Variants in SLC9B1 observed in about 807,000 individuals in gnomAD.
SLC9B1 encodes solute carrier family 9 member B1, also known as sodium/hydrogen exchanger 9B1.
Under a neutral mutation model 51.7 loss-of-function variants are expected in SLC9B1, and 32 were observed. The observed-to-expected ratio is 0.62, with a 90% CI of 0.47 to 0.83. SLC9B1 has a LOEUF of 0.83. SLC9B1 is among the 40% of genes least tolerant of loss of function. The pLI, the probability that SLC9B1 is intolerant of heterozygous loss-of-function variation, is 0.00. For synonymous variants in SLC9B1, 145 were observed against 212.7 expected, an observed-to-expected ratio of 0.68 and a Z score of 2.77; for missense variants, 406 against 613.2, an observed-to-expected ratio of 0.66 and a Z score of 3.57.
At position 103,006,067 on chromosome 4, in the gene SLC9B1, G is replaced by C. The variant is rs577006994; in HGVS notation, c.-2+13532C>G. On this transcript the variant is annotated intron_variant, in intron 1 of 11. Transcript: ENST00000296422. ...AAAACAAGAGCAAACCAACCCCAAG[G>C]TTAGCAGAAGAAAAGAAATAACCAA... Among the ~76,000 whole-genome samples the C allele has an allele frequency of 4.6e-5, 7 of 152,016 alleles. No individual in the cohort carries two copies. In the South Asian group the frequency reaches 1.5e-3, roughly 32 times the overall value.
downstream of SLC9B1, chr4:102,898,114 A>G (rs1734621308): frequency 1.0e-5 from 5 of 499,610 alleles, no homozygotes; most frequent in South Asian, 7.3e-5. Context: ...GAACTTCTTC[A>G]TATGCTTGAA....
chr4:103,010,935 AC>A (rs1311116283), intron 1 of SLC9B1, among the ~76,000 whole-genome samples: 1 of 152,172 alleles, frequency 6.6e-6, no homozygotes, highest in African/African-American at 2.4e-5. Context: ...TGTCTTTCTC[AC>A]ATATAAAACA....
chr4:102,962,438 C>A, intron 3 of SLC9B1: 2 of 523,676 alleles, frequency 3.8e-6, no homozygotes, highest in South Asian at 1.5e-5. Context: ...CCACTGAATA[C>A]ACTAGAAAAT....
chr4:102,917,688 C>A (rs1735651604), intron 7 of SLC9B1, among the ~76,000 whole-genome samples: 1 of 152,004 alleles, frequency 6.6e-6, no homozygotes, highest in Non-Finnish European at 1.5e-5. Flanking sequence ...GAAGAAAGAT[C>A]TAAAATAAGC....
intron 1 of SLC9B1, among the ~76,000 whole-genome samples, chr4:103,008,259 G>A (rs986631567): frequency 6.6e-6 from 1 of 152,116 alleles, no homozygotes; most frequent in South Asian, 2.1e-4. Context: ...CTGTTATATT[G>A]CTAGGCTTTG....
At chr4:102,885,083 A>G (rs1352913127) in exon 12 of SLC9B1, 6 of 740,270 alleles carry the variant, frequency 8.1e-6, no homozygotes. Flanking sequence ...TTATTTATTC[A>G]CAGTTTTATG....
At chr4:102,985,712 A>T (rs1739583623) in intron 3 of SLC9B1, among the ~76,000 whole-genome samples, 1 of 151,910 alleles carries the variant, frequency 6.6e-6, no homozygotes, top group South Asian at 2.1e-4. Context: ...TTTAGTAGAG[A>T]CAGGGCTTCA....
At chr4:102,894,667 A>C (rs1055901929) in intron 11 of SLC9B1, among the ~76,000 whole-genome samples, 1 of 152,206 alleles carries the variant, frequency 6.6e-6, no homozygotes, top group African/African-American at 2.4e-5. Flanking sequence ...TGAATAAGAA[A>C]CACATGAGGC....
chr4:102,991,843 A>G (rs1739954094), intron 1 of SLC9B1, 131 bp from the exon 2 acceptor site: 1 of 573,230 alleles, frequency 1.7e-6, no homozygotes. Context: ...GTCAAGTCAG[A>G]TATCTTTATA....
intron 8 of SLC9B1, among the ~76,000 whole-genome samples, chr4:102,911,187 G>T (rs1226668555): frequency 1.3e-5 from 2 of 152,078 alleles, no homozygotes; most frequent in African/African-American, 4.8e-5. Context: ...AATTCAGAGG[G>T]ATACTCTGCA....
intron 3 of SLC9B1, among the ~76,000 whole-genome samples, chr4:102,968,791 G>A (rs920575141): frequency 9.8e-5 from 15 of 152,334 alleles, no homozygotes; most frequent in East Asian, 3.9e-4. Flanking sequence ...AAGGGAAGCC[G>A]TGACAGACGG....
At chr4:102,928,128 T>C (rs1736280724) in intron 7 of SLC9B1, among the ~76,000 whole-genome samples, 1 of 152,040 alleles carries the variant, frequency 6.6e-6, no homozygotes, top group South Asian at 2.1e-4. Context: ...CTAATGTAAA[T>C]GATGAGTTGA....
chr4:103,004,113 T>G (rs928076350), intron 1 of SLC9B1, among the ~76,000 whole-genome samples: 2 of 152,194 alleles, frequency 1.3e-5, no homozygotes, highest in African/African-American at 4.8e-5. Flanking sequence ...GACAGACATA[T>G]AATTCAGAAT....
intron 7 of SLC9B1, among the ~76,000 whole-genome samples, chr4:102,925,972 A>G (rs1736147354): frequency 6.6e-6 from 1 of 152,252 alleles, no homozygotes; most frequent in South Asian, 2.1e-4. Flanking sequence ...AATCCATTAC[A>G]TAAACAGAAC....
At chr4:103,013,395 T>C (rs974956017) in intron 1 of SLC9B1, among the ~76,000 whole-genome samples, 1 of 152,200 alleles carries the variant, frequency 6.6e-6, no homozygotes, top group African/African-American at 2.4e-5. Flanking sequence ...ACCTCTCTGG[T>C]GTCCTTTCTT....
chr4:102,927,524 G>A (rs1736247425), intron 7 of SLC9B1, among the ~76,000 whole-genome samples: 1 of 152,152 alleles, frequency 6.6e-6, no homozygotes, highest in Admixed American at 6.5e-5. Flanking sequence ...ACCACAATGA[G>A]ATATCATCTC....
At chr4:102,941,252 C>T (rs1439081060) in intron 6 of SLC9B1, among the ~76,000 whole-genome samples, 1 of 152,068 alleles carries the variant, frequency 6.6e-6, no homozygotes, top group African/African-American at 2.4e-5. Context: ...ATGCATTCGA[C>T]AAAAGTCTAA....
chr4:102,941,218 A>T (rs528761915), intron 6 of SLC9B1, among the ~76,000 whole-genome samples: 1 of 152,300 alleles, frequency 6.6e-6, no homozygotes, highest in South Asian at 2.1e-4. Context: ...CCACCTATGG[A>T]ATGGGAGAAA....
intron 7 of SLC9B1, among the ~76,000 whole-genome samples, chr4:102,923,957 A>C (rs1034839684): frequency 2.0e-5 from 3 of 152,268 alleles, no homozygotes; most frequent in African/African-American, 7.2e-5. Context: ...GGAAGAATCA[A>C]TATTGTGAAA....
Sources: gnomAD v4.1 joint callset for allele counts (sites outside exome capture counted in the v4.1 genomes callset) on GRCh38, gnomAD v4.1.1 for gene constraint, MANE v1.5 for transcripts, NCBI Gene and HGNC (gene_info 2026-07-23, HGNC 2026-07-21) for gene names.